Variants in MYO1H observed in about 807,000 individuals in gnomAD.
MYO1H encodes the protein myosin IH.
A neutral mutation model predicts 149.3 loss-of-function variants in MYO1H; 118 were observed. That is an observed-to-expected ratio of 0.79 (90% CI 0.68 to 0.92). The LOEUF (loss-of-function observed/expected upper bound fraction) is 0.92, where lower values mean the gene tolerates loss of function less well. Among genes scored for constraint, MYO1H ranks in the 40% least tolerant of loss-of-function variants. MYO1H has a pLI of 0.00. For missense variants in MYO1H, 1,212 were observed against 1,280.7 expected, an observed-to-expected ratio of 0.95 and a Z score of 0.82; for synonymous variants, 447 against 465.2, an observed-to-expected ratio of 0.96 and a Z score of 0.50.
rs777761188 is a variant in MYO1H, at chr12:109,388,881, G to A, written c.174+37G>A. 3 of 1,568,522 alleles carry A rather than the reference G, an allele frequency of 1.9e-6. No individual in the cohort carries two copies. The East Asian group carries it at 6.8e-5, about 35-fold the overall frequency. On this transcript the variant is annotated intron_variant, in intron 2 of 31. Coordinates refer to ENST00000310903, the Ensembl canonical transcript of MYO1H. Reference sequence around the variant, plus strand: ...CACTTCTCAGCTGTTTTTCTAGGGTGGTTGTTCCCTTCTTGCCTTCACGAC... The same window carrying A: ...CACTTCTCAGCTGTTTTTCTAGGGTAGTTGTTCCCTTCTTGCCTTCACGAC...
Position 109,427,773 on chromosome 12 carries a change from G to A in MYO1H, c.1949+187G>A, listed in dbSNP as rs113754738. 3.9e-3 allele frequency among the ~76,000 whole-genome samples: 571 copies of A among 147,670 alleles called. 8 individuals carry two copies. Among genetic ancestry groups the A allele is most frequent in the African/African-American group, 0.014 (547 of 40,162 alleles). The stretch of plus-strand genomic sequence containing the variant: ...TAAAAACCCAACTCTGGCTGGGTGC[G>A]GTGGCTCATGCCTGTAATCCCAGCA... On this transcript the variant is annotated intron_variant, in intron 19 of 31. Transcript: ENST00000310903.
In MYO1H at chr12:109,432,892, C is replaced by A. The variant is rs550688471; in HGVS notation, c.1950-5C>A. 5 of 1,613,286 alleles carry A rather than the reference C, an allele frequency of 3.1e-6. No homozygotes were observed. Among genetic ancestry groups the A allele is most frequent in the African/African-American group, 1.3e-5 (1 of 75,032 alleles). On this transcript the variant is annotated splice_polypyrimidine_tract_variant and splice_region_variant and intron_variant, in intron 19 of 31. Transcript: ENST00000310903. ...CAGCTTCTCCATGTCCATCTCCTCT[C>A]CTAGGTACAAGTCCTTATGCCCAGA...
the MYO1H span, among the ~76,000 whole-genome samples, chr12:109,327,101 T>C: frequency 2.0e-5 from 3 of 151,266 alleles, no homozygotes; most frequent in Admixed American, 2.0e-4. Flanking sequence ...CCTGTAGTTA[T>C]TTAATTTTTC....
chr12:109,322,671 T>G, the MYO1H span, among the ~76,000 whole-genome samples: 1 of 151,754 alleles, frequency 6.6e-6, no homozygotes, highest in African/African-American at 2.4e-5. Flanking sequence ...ATTACAAAAA[T>G]TAGCTGGGTG....
At chr12:109,419,679 C>T (rs944827858) in intron 15 of MYO1H, among the ~76,000 whole-genome samples, 1 of 152,056 alleles carries the variant, frequency 6.6e-6, no homozygotes, top group African/African-American at 2.4e-5. Flanking sequence ...CCCCAAGTAG[C>T]TGGGACTACA....
intron 14 of MYO1H, among the ~76,000 whole-genome samples, chr12:109,413,145 T>A (rs1870749875): frequency 2.6e-5 from 4 of 152,006 alleles, no homozygotes; most frequent in East Asian, 3.8e-4. Context: ...GGCTATTTTT[T>A]TGTATTTTTA....
intron 1 of MYO1H, among the ~76,000 whole-genome samples, chr12:109,357,638 T>C (rs568642144): frequency 3.7e-4 from 56 of 152,174 alleles, no homozygotes; most frequent in Non-Finnish European, 7.1e-4. Flanking sequence ...CATGAAATAC[T>C]ATTCTCTTGA....
At chr12:109,342,763 G>A in the MYO1H span, among the ~76,000 whole-genome samples, 3 of 151,576 alleles carry the variant, frequency 2.0e-5, no homozygotes, top group South Asian at 2.1e-4. Context: ...TGCTGGTCTC[G>A]AACTCCTGGC....
intron 16 of MYO1H, among the ~76,000 whole-genome samples, chr12:109,423,936 A>G (rs1454144841): frequency 6.6e-6 from 1 of 152,192 alleles, no homozygotes; most frequent in Admixed American, 6.5e-5. Context: ...CAGGGGCGAA[A>G]GTCAAACAGT....
chr12:109,410,595 T>G (rs916706495), intron 12 of MYO1H, 93 bp from the exon 13 acceptor site: 2 of 773,022 alleles, frequency 2.6e-6, no homozygotes, highest in Non-Finnish European at 4.3e-6. Context: ...AAACTAGATT[T>G]TGAAAAAAGA....
chr12:109,370,740 T>C lies in MYO1H; in HGVS notation c.13-17943T>C, dbSNP rs184621141. 1.1e-4 allele frequency among the ~76,000 whole-genome samples: 16 copies of C among 152,360 alleles called. No homozygotes were observed. The East Asian group carries it at 1.9e-3, about 18-fold the overall frequency. ...TAGAATGCTTCCTCTTTGAATTCTC[T>C]AGATTATTTCAAATCTATACATGGC... On this transcript the variant is annotated intron_variant, in intron 1 of 31. Coordinates refer to ENST00000310903, the Ensembl canonical transcript of MYO1H.
At chr12:109,393,830 C>G (rs74632009) in intron 3 of MYO1H, among the ~76,000 whole-genome samples, 2,957 of 152,236 alleles carry the variant, frequency 0.019, 102 homozygotes, top group African/African-American at 0.068. Flanking sequence ...GGAATCTCAG[C>G]TTAAATATGA....
chr12:109,336,089 CA>C, the MYO1H span, among the ~76,000 whole-genome samples: 52,522 of 151,844 alleles, frequency 0.35, 9,756 homozygotes, highest in Admixed American at 0.46. Context: ...CAAGCAATCC[CA>C]ATCCTCTTAA....
chr12:109,404,718 AAAGT>A (rs1170906030), intron 7 of MYO1H, among the ~76,000 whole-genome samples: 1 of 152,324 alleles, frequency 6.6e-6, no homozygotes, highest in East Asian at 1.9e-4. Flanking sequence ...TTTCTCCTGT[AAAGT>A]AAGTCCAGTC....
the MYO1H span, among the ~76,000 whole-genome samples, chr12:109,334,527 A>G: frequency 9.2e-5 from 14 of 152,318 alleles, no homozygotes; most frequent in South Asian, 2.7e-3. Context: ...ATAAGGCTCA[A>G]AAAGGTTAAG....
intron 1 of MYO1H, among the ~76,000 whole-genome samples, chr12:109,348,744 A>T (rs921980573): frequency 6.6e-6 from 1 of 152,226 alleles, no homozygotes; most frequent in Non-Finnish European, 1.5e-5. Flanking sequence ...TCGATAGCAT[A>T]ATCATCTCAT....
At chr12:109,417,532 T>A (rs1870972837) in intron 15 of MYO1H, among the ~76,000 whole-genome samples, 1 of 152,034 alleles carries the variant, frequency 6.6e-6, no homozygotes, top group African/African-American at 2.4e-5. Context: ...TTTCACCGTG[T>A]TAGCCAGGGT....
the MYO1H span, among the ~76,000 whole-genome samples, chr12:109,318,975 T>TTTTTTTTTTTTTTG: frequency 3.0e-5 from 3 of 99,600 alleles, no homozygotes; most frequent in Admixed American, 1.2e-4. Context: ...TGGTTTTGTT[T>TTTTTTTTTTTTTTG]TTTTTTTTTT....
At chr12:109,378,031 T>C (rs1000050816) in intron 1 of MYO1H, among the ~76,000 whole-genome samples, 4 of 152,252 alleles carry the variant, frequency 2.6e-5, no homozygotes, top group African/African-American at 9.6e-5. Context: ...TACGTTGTGA[T>C]TATTGATAAC....
Sources: allele counts gnomAD v4.1 joint callset (sites outside exome capture counted in the v4.1 genomes callset), GRCh38; gene constraint gnomAD v4.1.1; transcripts MANE v1.5; gene names NCBI Gene and HGNC (gene_info 2026-07-23, HGNC 2026-07-21).